CAPN5: variants seen among roughly 807,000 people sequenced by gnomAD.
CAPN5 encodes the protein calpain 5, also known as calpain-5.
In CAPN5, 54 loss-of-function variants were observed where a neutral mutation model predicts 73.0. That is an observed-to-expected ratio of 0.74 (90% CI 0.59 to 0.93). The LOEUF (loss-of-function observed/expected upper bound fraction) is 0.93, where lower values mean the gene tolerates loss of function less well. Ranked by LOEUF, CAPN5 falls within the 40% of genes least tolerant of loss-of-function variation. The pLI, the probability that CAPN5 is intolerant of heterozygous loss-of-function variation, is 0.00. For synonymous variants in CAPN5, 335 were observed against 356.9 expected (o/e 0.94, Z 0.69); for missense variants, 785 against 882.9 (o/e 0.89, Z 1.41).
At position 77,114,334 on chromosome 11, in the gene CAPN5, C is replaced by T. The variant is rs782369375; in HGVS notation, c.599C>T (p.Thr200Ile). The T allele has an allele frequency of 6.2e-7, 1 of 1,614,188 alleles. No individual in the cohort carries two copies. The highest frequency in any genetic ancestry group is 1.1e-5 in the South Asian group (1 of 91,080). ...TGGVSEPIDL[T>I]EGDFANDETK... ...GGTGTTTCTGAGCCCATCGACCTGA[C>T]CGAGGGTGACTTTGCCAACGATGAG... Residue 200 changes from threonine (T) to isoleucine (I), a missense_variant, in exon 5 of 13, where the codon ACC becomes ATC. Thr to Ile is a moderately conservative substitution (Grantham distance 89). Transcript: ENST00000648180.
At position 77,124,766 on chromosome 11, in the gene CAPN5, C is replaced by T. The variant is rs1171994843; in HGVS notation, c.*896C>T. The T allele has an allele frequency of 6.6e-6, 1 of 152,280 alleles. No homozygotes were observed. The highest frequency in any genetic ancestry group is 2.4e-5 in the African/African-American group (1 of 41,454). The allele number at this position is 152,280 out of a possible 1,614,324, so 9.4% of individuals were successfully genotyped here. On this transcript the variant is annotated 3_prime_UTR_variant, in exon 13 of 13. Transcript: ENST00000648180. Reference sequence around the variant, plus strand: ...GGGGAGATGTGCTCCCAGAGCCTCTCTGCTGTAAGACCCCAGCTTTTCCTG... The same window carrying T: ...GGGGAGATGTGCTCCCAGAGCCTCTTTGCTGTAAGACCCCAGCTTTTCCTG...
At chr11:77,096,038 C>T (rs759081232) in intron 3 of CAPN5, among the ~76,000 whole-genome samples, 4 of 152,176 alleles carry the variant, frequency 2.6e-5, no homozygotes, top group African/African-American at 4.8e-5. Context: ...CTCATTACTG[C>T]GCCTTCCGTC....
intron 3 of CAPN5, among the ~76,000 whole-genome samples, chr11:77,108,326 G>A (rs560817293): frequency 1.6e-4 from 25 of 152,302 alleles, no homozygotes; most frequent in Non-Finnish European, 2.9e-4. Context: ...CTGACTGTTG[G>A]GGGGGTGCTC....
intron 1 of CAPN5, 86 bp from the exon 2 acceptor site, chr11:77,084,766 C>T (rs1950064321): frequency 6.6e-6 from 8 of 1,219,144 alleles, no homozygotes. Flanking sequence ...CGTGCCTGTG[C>T]CATGGGGCTG....
At chr11:77,069,085 T>G (rs1949875153) in intron 1 of CAPN5, among the ~76,000 whole-genome samples, 1 of 152,194 alleles carries the variant, frequency 6.6e-6, no homozygotes, top group African/African-American at 2.4e-5. Flanking sequence ...CTCTCCTACC[T>G]GCAGGGCCTA....
At chr11:77,113,590 C>G (rs1331392070) in intron 4 of CAPN5, among the ~76,000 whole-genome samples, 1 of 151,980 alleles carries the variant, frequency 6.6e-6, no homozygotes, top group African/African-American at 2.4e-5. Flanking sequence ...AGATAGAAAA[C>G]AAGAGAAAGG....
chr11:77,100,860 A>G (rs543397827), intron 3 of CAPN5, among the ~76,000 whole-genome samples: 1 of 151,918 alleles, frequency 6.6e-6, no homozygotes, highest in African/African-American at 2.4e-5. Context: ...TTAGTTCTCC[A>G]TCTCCTTTCT....
intron 1 of CAPN5, among the ~76,000 whole-genome samples, chr11:77,076,936 C>T (rs1555033995): frequency 6.6e-6 from 1 of 152,162 alleles, no homozygotes; most frequent in East Asian, 1.9e-4. Flanking sequence ...TTTGAGAAAC[C>T]TCTATACTGT....
At chr11:77,118,132 C>T in intron 7 of CAPN5, 25 bp from the exon 8 acceptor site, 1 of 1,593,922 alleles carries the variant, frequency 6.3e-7, no homozygotes, top group Non-Finnish European at 8.6e-7. Flanking sequence ...GGGAGGTACC[C>T]TGCTCAGCCC....
intron 2 of CAPN5, among the ~76,000 whole-genome samples, chr11:77,093,382 C>T (rs1950171234): frequency 6.6e-6 from 1 of 152,186 alleles, no homozygotes. Context: ...AGGCAGTGCC[C>T]CGGGTCCAGC....
intron 2 of CAPN5, among the ~76,000 whole-genome samples, chr11:77,090,817 C>G (rs781806892): frequency 3.9e-5 from 6 of 152,196 alleles, no homozygotes; most frequent in Non-Finnish European, 7.4e-5. Context: ...ATAGCTCCCT[C>G]TGGGTCAGAG....
At chr11:77,093,846 G>A in intron 3 of CAPN5, 33 bp downstream of exon 3, 1 of 1,601,628 alleles carries the variant, frequency 6.2e-7, no homozygotes, top group Non-Finnish European at 8.5e-7. Flanking sequence ...CAGGGTGCTG[G>A]GGAGTGTGAA....
chr11:77,102,764 G>T (rs1417638130), intron 3 of CAPN5: 27 of 1,442,734 alleles, frequency 1.9e-5, no homozygotes, highest in Non-Finnish European at 2.4e-5. Context: ...GCCCCCCTTT[G>T]GTGGCCTCTT....
At position 77,122,961 on chromosome 11, in the gene CAPN5, G is replaced by A. The variant is rs1950538712; in HGVS notation, c.1740+249G>A. Among the ~76,000 whole-genome samples, 6 of 152,218 alleles carry A rather than the reference G, an allele frequency of 3.9e-5. No individual in the cohort carries two copies. The South Asian group carries it at 1.2e-3, about 32-fold the overall frequency. ...CAGCAGGGTCCATCTCCTGGCTGGGGACAGCAGTCATCTCTGCTGACCTCA... is the reference window on the plus strand; with the variant it reads ...CAGCAGGGTCCATCTCCTGGCTGGGAACAGCAGTCATCTCTGCTGACCTCA... On this transcript the variant is annotated intron_variant, in intron 12 of 12. Transcript: ENST00000648180.
intron 2 of CAPN5, chr11:77,087,869 G>A: frequency 6.5e-7 from 1 of 1,532,968 alleles, no homozygotes; most frequent in Admixed American, 2.0e-5. Flanking sequence ...TGTCCTCTTG[G>A]GTGCCGACCT....
intron 3 of CAPN5, among the ~76,000 whole-genome samples, chr11:77,107,616 C>T (rs4944140): frequency 0.11 from 17,319 of 152,050 alleles, 1,405 homozygotes; most frequent in East Asian, 0.29. Context: ...AGGGACAATC[C>T]AGGAGCCAGG....
chr11:77,071,863 G>C (rs1421426693), intron 1 of CAPN5, among the ~76,000 whole-genome samples: 1 of 152,190 alleles, frequency 6.6e-6, no homozygotes, highest in Admixed American at 6.5e-5. Flanking sequence ...CATTGCAGGA[G>C]GGGGTAAGCC....
At chr11:77,080,921 A>G (rs913903341) in intron 1 of CAPN5, among the ~76,000 whole-genome samples, 2 of 152,138 alleles carry the variant, frequency 1.3e-5, no homozygotes, top group Non-Finnish European at 1.5e-5. Flanking sequence ...TGGGTTCCTG[A>G]AGCTCCCTGG....
chr11:77,118,187 C>T lies in CAPN5; in HGVS notation c.1002C>T (p.Phe334=). 4 of 1,613,922 alleles carry T rather than the reference C, an allele frequency of 2.5e-6. No homozygotes were observed. Among genetic ancestry groups the T allele is most frequent in the South Asian group, 1.1e-5 (1 of 91,046 alleles). The change falls in exon 8 of 13, where the codon TTC becomes TTT. Residue 334 remains phenylalanine, a synonymous_variant. Transcript: ENST00000648180. Reference sequence around the variant, plus strand: ...CCTTCGAGGACGTGTGCCGGTACTTCACGGACATCATCAAGTGCCGCGTGA... The same window carrying T: ...CCTTCGAGGACGTGTGCCGGTACTTTACGGACATCATCAAGTGCCGCGTGA... ...WMTFEDVCRY[F]TDIIKCRVIN...
Sources: allele counts gnomAD v4.1 joint callset (sites outside exome capture counted in the v4.1 genomes callset), GRCh38; gene constraint gnomAD v4.1.1; transcripts MANE v1.5; gene names NCBI Gene and HGNC (gene_info 2026-07-23, HGNC 2026-07-21).